LRFN2: variants seen among roughly 807,000 people sequenced by gnomAD.
The protein encoded by LRFN2 is leucine rich repeat and fibronectin type III domain containing 2.
Under a neutral mutation model 37.3 loss-of-function variants are expected in LRFN2, and 18 were observed. That is an observed-to-expected ratio of 0.48 (90% CI 0.33 to 0.72). LRFN2 has a LOEUF of 0.72. Among genes scored for constraint, LRFN2 ranks in the 30% least tolerant of loss-of-function variants. The pLI is 0.02. For missense variants in LRFN2, 1,006 were observed against 1,060.7 expected (o/e 0.95, Z 0.72); for synonymous variants, 556 against 466.6 (o/e 1.19, Z -2.47).
In LRFN2 at chr6:40,458,786, T is replaced by C. The variant is rs748220945; in HGVS notation, c.-18-25655A>G. On this transcript the variant is annotated intron_variant, in intron 1 of 2. Coordinates refer to ENST00000338305, the MANE Select transcript of LRFN2 (RefSeq NM_020737.3). ...TTTCCAATTCCCAGGAGCTGGGTAG[T>C]TGCCAGCCACCCAGCCCCAACAACA... is the stretch of plus-strand genomic sequence containing the variant. Among the ~76,000 whole-genome samples, 8 of 152,330 alleles carry C rather than the reference T, an allele frequency of 5.3e-5. No individual in the cohort carries two copies. In the South Asian group the frequency reaches 1.7e-3, roughly 32 times the overall value.
At chr6:40,488,783 G>T (rs547500363) in intron 1 of LRFN2, among the ~76,000 whole-genome samples, 1 of 152,258 alleles carries the variant, frequency 6.6e-6, no homozygotes, top group East Asian at 1.9e-4. Context: ...AGGAATTTCT[G>T]CCTCCTCTGC....
intron 2 of LRFN2, among the ~76,000 whole-genome samples, chr6:40,412,146 G>C (rs1226080094): frequency 2.0e-5 from 3 of 152,070 alleles, no homozygotes; most frequent in Non-Finnish European, 4.4e-5. Context: ...CTGCAGCCTG[G>C]AAGTGAAGAC....
At chr6:40,396,943 G>A (rs1242689670) in intron 2 of LRFN2, among the ~76,000 whole-genome samples, 2 of 152,132 alleles carry the variant, frequency 1.3e-5, no homozygotes, top group Admixed American at 1.3e-4. Context: ...ACAACCCTCT[G>A]AGGAAGTTAT....
intron 1 of LRFN2, among the ~76,000 whole-genome samples, chr6:40,573,743 C>T (rs1767228474): frequency 1.3e-5 from 2 of 152,208 alleles, no homozygotes; most frequent in African/African-American, 4.8e-5. Flanking sequence ...TTTGGGAGGC[C>T]GAGGCAGGTG....
chr6:40,561,982 T>C (rs1026990184), intron 1 of LRFN2, among the ~76,000 whole-genome samples: 3 of 152,156 alleles, frequency 2.0e-5, no homozygotes, highest in South Asian at 4.1e-4. Context: ...GGCCCCAGTG[T>C]CTGGCTCATA....
chr6:40,481,158 C>T (rs911018949), intron 1 of LRFN2, among the ~76,000 whole-genome samples: 11 of 152,050 alleles, frequency 7.2e-5, no homozygotes, highest in African/African-American at 2.7e-4. Flanking sequence ...TTATTGGGCC[C>T]AGTGCAGTGT....
chr6:40,418,605 T>C (rs533361947), intron 2 of LRFN2, among the ~76,000 whole-genome samples: 1 of 152,298 alleles, frequency 6.6e-6, no homozygotes, highest in South Asian at 2.1e-4. Flanking sequence ...CCCTCAGAAC[T>C]AGACCCTGGC....
chr6:40,535,494 C>A (rs568915426), intron 1 of LRFN2, among the ~76,000 whole-genome samples: 1 of 152,232 alleles, frequency 6.6e-6, no homozygotes, highest in South Asian at 2.1e-4. Flanking sequence ...GTTGGAAACC[C>A]GCCTGGGGTC....
intron 1 of LRFN2, among the ~76,000 whole-genome samples, chr6:40,557,682 A>G (rs1222284656): frequency 1.3e-5 from 2 of 152,202 alleles, no homozygotes; most frequent in Non-Finnish European, 2.9e-5. Flanking sequence ...AGATGGTCCT[A>G]CACAAATGAT....
intron 1 of LRFN2, among the ~76,000 whole-genome samples, chr6:40,581,691 T>A (rs948735530): frequency 6.6e-6 from 1 of 152,224 alleles, no homozygotes; most frequent in Non-Finnish European, 1.5e-5. Flanking sequence ...TTGTTAGGCA[T>A]TTTTAGGAGG....
intron 2 of LRFN2, among the ~76,000 whole-genome samples, chr6:40,414,986 G>A (rs774203160): frequency 1.2e-4 from 19 of 152,108 alleles, no homozygotes; most frequent in Non-Finnish European, 2.2e-4. Context: ...AGCTTCAGAG[G>A]AGCTTCTTCA....
chr6:40,460,075 G>A (rs999476401), intron 1 of LRFN2, among the ~76,000 whole-genome samples: 3 of 152,234 alleles, frequency 2.0e-5, no homozygotes, highest in African/African-American at 7.2e-5. Context: ...TGATGGCAGA[G>A]AAGGTGGCTG....
At chr6:40,562,548 C>T (rs1308597019) in intron 1 of LRFN2, among the ~76,000 whole-genome samples, 3 of 152,110 alleles carry the variant, frequency 2.0e-5, no homozygotes, top group Non-Finnish European at 4.4e-5. Context: ...AAAACTGGGC[C>T]ATTTTGCCAG....
At chr6:40,406,745 T>A (rs571341958) in intron 2 of LRFN2, among the ~76,000 whole-genome samples, 1 of 152,358 alleles carries the variant, frequency 6.6e-6, no homozygotes, top group East Asian at 1.9e-4. Context: ...CCTGTTTCTT[T>A]CTTTTGGACA....
At chr6:40,410,003 C>G (rs1762931201) in intron 2 of LRFN2, among the ~76,000 whole-genome samples, 1 of 152,206 alleles carries the variant, frequency 6.6e-6, no homozygotes, top group Non-Finnish European at 1.5e-5. Flanking sequence ...ACCTCTGTCT[C>G]TAACAAGCAG....
intron 1 of LRFN2, among the ~76,000 whole-genome samples, chr6:40,515,563 G>A (rs1317263863): frequency 6.6e-6 from 1 of 152,128 alleles, no homozygotes; most frequent in Non-Finnish European, 1.5e-5. Flanking sequence ...GTAGGTCAAA[G>A]CTGCCAGGGA....
At chr6:40,517,083 G>A (rs911850877) in intron 1 of LRFN2, among the ~76,000 whole-genome samples, 1 of 152,092 alleles carries the variant, frequency 6.6e-6, no homozygotes, top group Non-Finnish European at 1.5e-5. Flanking sequence ...CCCTCCTGTG[G>A]CAAAAGGACT....
intron 1 of LRFN2, among the ~76,000 whole-genome samples, chr6:40,552,925 C>G (rs904121036): frequency 2.6e-5 from 4 of 152,146 alleles, no homozygotes; most frequent in Admixed American, 2.6e-4. Flanking sequence ...TTATCTTAAT[C>G]AGTAAAAATC....
At chr6:40,409,805 G>T (rs1244110898) in intron 2 of LRFN2, among the ~76,000 whole-genome samples, 1 of 152,144 alleles carries the variant, frequency 6.6e-6, no homozygotes, top group Non-Finnish European at 1.5e-5. Context: ...CTTCCTTGGG[G>T]GCTGTTCCAA....
Sources: gnomAD v4.1 joint callset for allele counts (sites outside exome capture counted in the v4.1 genomes callset) on GRCh38, gnomAD v4.1.1 for gene constraint, MANE v1.5 for transcripts, NCBI Gene and HGNC (gene_info 2026-07-23, HGNC 2026-07-21) for gene names.